COL22A1: variants seen among roughly 807,000 people sequenced by gnomAD.
COL22A1 encodes collagen alpha-1(XXII) chain.
Under a neutral mutation model 248.9 loss-of-function variants are expected in COL22A1, and 221 were observed. That is an observed-to-expected ratio of 0.89 (90% CI 0.80 to 0.99). The LOEUF is 0.99. Ranked by LOEUF, COL22A1 falls within the 50% of genes least tolerant of loss-of-function variation. The pLI is 0.00. For missense variants in COL22A1, 2,240 were observed against 2,179.0 expected (o/e 1.03, Z -0.56); for synonymous variants, 891 against 793.4 (o/e 1.12, Z -2.07).
At chr8:138,861,514 G>A (rs753935315) in intron 3 of COL22A1, among the ~76,000 whole-genome samples, 47 of 152,178 alleles carry the variant, frequency 3.1e-4, no homozygotes, top group African/African-American at 9.6e-4. Context: ...AGGACTCAAC[G>A]CGCAGCGCCG....
At chr8:138,652,734 G>GTTTTTTTTTTT (rs1564146836) in intron 45 of COL22A1, among the ~76,000 whole-genome samples, 2 of 45,876 alleles carry the variant, frequency 4.4e-5, no homozygotes, top group African/African-American at 9.1e-5. Context: ...TTCCTTTTCT[G>GTTTTTTTTTTT]GTTTTTTTTT....
chr8:138,598,951 C>A, intron 60 of COL22A1, 53 bp from the exon 61 acceptor site: 1 of 1,583,180 alleles, frequency 6.3e-7, no homozygotes, highest in Non-Finnish European at 8.6e-7. Flanking sequence ...AAGCTGTACC[C>A]CATGCAGCTG....
chr8:138,827,119 A>T (rs899202338), intron 5 of COL22A1: 2 of 289,278 alleles, frequency 6.9e-6, no homozygotes, highest in Admixed American at 8.2e-5. Flanking sequence ...ATGGAGAGAC[A>T]CCCAGCTTCG....
intron 21 of COL22A1, among the ~76,000 whole-genome samples, chr8:138,752,569 A>AT (rs1370418745): frequency 1.3e-5 from 2 of 152,196 alleles, no homozygotes; most frequent in African/African-American, 4.8e-5. Context: ...AAGGCATGAG[A>AT]TTTTTAAGCG....
intron 21 of COL22A1, among the ~76,000 whole-genome samples, chr8:138,753,138 C>A (rs1832739785): frequency 6.6e-6 from 1 of 152,200 alleles, no homozygotes; most frequent in Non-Finnish European, 1.5e-5. Flanking sequence ...GGTTCCTAAT[C>A]CCAAGTACCT....
intron 44 of COL22A1, among the ~76,000 whole-genome samples, chr8:138,659,426 C>T (rs1373836858): frequency 1.3e-5 from 2 of 152,178 alleles, no homozygotes; most frequent in African/African-American, 4.8e-5. Flanking sequence ...CTCTCAGATC[C>T]ATCTCAAGGT....
intron 30 of COL22A1, among the ~76,000 whole-genome samples, chr8:138,714,848 G>GTT (rs1277025506): frequency 6.6e-6 from 1 of 152,156 alleles, no homozygotes; most frequent in African/African-American, 2.4e-5. Context: ...CACAAGCAAT[G>GTT]ACACGCTGGG....
chr8:138,625,796 T>A (rs1261419308), intron 51 of COL22A1, among the ~76,000 whole-genome samples: 1 of 152,212 alleles, frequency 6.6e-6, no homozygotes, highest in African/African-American at 2.4e-5. Flanking sequence ...ACATTTAACA[T>A]TAATATGGGA....
intron 30 of COL22A1, among the ~76,000 whole-genome samples, chr8:138,706,200 AC>A (rs1828427436): frequency 6.6e-6 from 1 of 152,158 alleles, no homozygotes; most frequent in African/African-American, 2.4e-5. Flanking sequence ...AGACTTTAAC[AC>A]CCCACTGTCA....
At chr8:138,697,676 A>G (rs1827618154) in intron 32 of COL22A1, among the ~76,000 whole-genome samples, 1 of 151,866 alleles carries the variant, frequency 6.6e-6, no homozygotes, top group Non-Finnish European at 1.5e-5. Context: ...TCTCCTTTCC[A>G]TTCTCTTCCT....
Position 138,618,209 on chromosome 8 carries a change from C to A in COL22A1, c.3825+1246G>T, listed in dbSNP as rs141300865. 7.9e-5 allele frequency among the ~76,000 whole-genome samples: 12 copies of A among 152,292 alleles called. No individual in the cohort carries two copies. The East Asian group carries it at 2.3e-3, about 29-fold the overall frequency. On this transcript the variant is annotated intron_variant, in intron 53 of 64. Transcript: ENST00000303045. ...AGAAGAAACAGGGGTTCAGAAAGGT[C>A]CTCGTTGCAATCAAGGTCACAAAGT...
intron 52 of COL22A1, 149 bp downstream of exon 52, chr8:138,623,583 G>A (rs1006160180): frequency 9.8e-5 from 59 of 604,022 alleles, no homozygotes; most frequent in Non-Finnish European, 1.5e-4. Context: ...GGACAGCAGT[G>A]TTTACTGTGC....
At chr8:138,671,368 C>T (rs1252395590) in intron 41 of COL22A1, among the ~76,000 whole-genome samples, 1 of 152,170 alleles carries the variant, frequency 6.6e-6, no homozygotes. Context: ...AAGAAACATA[C>T]ATGCAGCATT....
At chr8:138,895,973 C>G (rs1401912998) in intron 1 of COL22A1, among the ~76,000 whole-genome samples, 1 of 152,070 alleles carries the variant, frequency 6.6e-6, no homozygotes, top group African/African-American at 2.4e-5. Flanking sequence ...TACTTGAAAC[C>G]AAGAAACCAG....
At chr8:138,592,695 C>T (rs1191751760) in intron 63 of COL22A1, among the ~76,000 whole-genome samples, 2 of 151,952 alleles carry the variant, frequency 1.3e-5, no homozygotes, top group Non-Finnish European at 1.5e-5. Context: ...GCTAAAATGA[C>T]ACCACATGCT....
At chr8:138,868,474 G>T (rs1823069080) in intron 3 of COL22A1, among the ~76,000 whole-genome samples, 1 of 152,162 alleles carries the variant, frequency 6.6e-6, no homozygotes, top group Non-Finnish European at 1.5e-5. Flanking sequence ...AATATTTACA[G>T]AGGCTCCTTT....
intron 1 of COL22A1, among the ~76,000 whole-genome samples, chr8:138,902,739 T>TACACACACACAC (rs35023865): frequency 1.1e-3 from 102 of 93,882 alleles, no homozygotes; most frequent in Middle Eastern, 6.8e-3. Context: ...TATATATATA[T>TACACACACACAC]ACACACACAC....
intron 30 of COL22A1, among the ~76,000 whole-genome samples, chr8:138,703,791 G>C (rs1434816732): frequency 6.6e-6 from 1 of 152,138 alleles, no homozygotes; most frequent in Non-Finnish European, 1.5e-5. Context: ...GACAGTGTGT[G>C]CAGCCCACGG....
At chr8:138,806,738 A>G (rs1439494320) in intron 10 of COL22A1, among the ~76,000 whole-genome samples, 1 of 152,184 alleles carries the variant, frequency 6.6e-6, no homozygotes, top group Non-Finnish European at 1.5e-5. Context: ...TGGAACGGTA[A>G]TCCTTACCCC....
Sources: allele counts gnomAD v4.1 joint callset (sites outside exome capture counted in the v4.1 genomes callset), GRCh38; gene constraint gnomAD v4.1.1; transcripts MANE v1.5; gene names NCBI Gene and HGNC (gene_info 2026-07-23, HGNC 2026-07-21).